JAKMIP3: variants seen among roughly 807,000 people sequenced by gnomAD.
The protein encoded by JAKMIP3 is janus kinase and microtubule-interacting protein 3.
JAKMIP3 carries 58 observed loss-of-function variants against 118.5 expected under a neutral mutation model. The ratio of observed to expected loss-of-function variants is 0.49; its 90% CI spans 0.40 to 0.61. The LOEUF is 0.61. Ranked by LOEUF, JAKMIP3 falls within the 20% of genes least tolerant of loss-of-function variation. The pLI, the probability that JAKMIP3 is intolerant of heterozygous loss-of-function variation, is 0.00. For synonymous variants in JAKMIP3, 486 were observed against 451.2 expected (o/e 1.08, Z -0.98); for missense variants, 950 against 1,109.0 (o/e 0.86, Z 2.04).
chr10:132,145,251 T>G, intron 12 of JAKMIP3, 61 bp downstream of exon 12: 1 of 1,355,462 alleles, frequency 7.4e-7, no homozygotes, highest in Non-Finnish European at 1.0e-6. Context: ...TATTTGGCTG[T>G]ACCTAAAGAC....
At chr10:132,114,180 CA>C (rs944043145) in intron 2 of JAKMIP3, among the ~76,000 whole-genome samples, 7 of 152,370 alleles carry the variant, frequency 4.6e-5, no homozygotes, top group African/African-American at 1.7e-4. Flanking sequence ...TGATGAGAAA[CA>C]AGGAATGGTT....
At chr10:132,153,071 TC>T in intron 17 of JAKMIP3, 48 bp downstream of exon 17, 1 of 1,448,394 alleles carries the variant, frequency 6.9e-7, no homozygotes, top group Non-Finnish European at 9.6e-7. Context: ...GCTCCTGGGG[TC>T]TCCTGCCCTG....
intron 1 of JAKMIP3, among the ~76,000 whole-genome samples, chr10:132,096,382 C>T (rs754939714): frequency 7.9e-5 from 12 of 152,168 alleles, no homozygotes; most frequent in African/African-American, 1.4e-4. Flanking sequence ...TGAAAACCAC[C>T]GGAGAGTGAC....
intron 23 of JAKMIP3, among the ~76,000 whole-genome samples, chr10:132,180,226 A>G (rs2060607113): frequency 6.6e-6 from 1 of 152,170 alleles, no homozygotes; most frequent in Non-Finnish European, 1.5e-5. Flanking sequence ...TAGCAGCCTC[A>G]GGCCTGTCCA....
intron 1 of JAKMIP3, among the ~76,000 whole-genome samples, chr10:132,090,759 T>C (rs562612809): frequency 6.6e-6 from 1 of 152,358 alleles, no homozygotes; most frequent in East Asian, 1.9e-4. Context: ...TTTGAATGTG[T>C]TTGCCCTTGC....
At chr10:132,148,114 C>T (rs937816718) in intron 14 of JAKMIP3, 64 bp downstream of exon 14, 8 of 997,090 alleles carry the variant, frequency 8.0e-6, no homozygotes, top group Non-Finnish European at 1.2e-5. Flanking sequence ...CCTCAGCCTT[C>T]CTAACCCACA....
intron 1 of JAKMIP3, among the ~76,000 whole-genome samples, chr10:132,047,557 T>A (rs1257833020): frequency 1.3e-5 from 2 of 152,154 alleles, no homozygotes; most frequent in Non-Finnish European, 1.5e-5. Context: ...TGGTACAACA[T>A]CATCACCCAA....
At chr10:132,061,932 C>T (rs2038409502), upstream of JAKMIP3, among the ~76,000 whole-genome samples, 1 of 152,164 alleles carries the variant, frequency 6.6e-6, no homozygotes, top group South Asian at 2.1e-4. Flanking sequence ...ACACTGGACT[C>T]CTATCCAGAT....
intron 20 of JAKMIP3, among the ~76,000 whole-genome samples, chr10:132,164,329 G>C (rs1032229723): frequency 6.6e-6 from 1 of 152,224 alleles, no homozygotes; most frequent in Non-Finnish European, 1.5e-5. Context: ...GCTCTCCTGC[G>C]ACCCTCTGGC....
intron 14 of JAKMIP3, among the ~76,000 whole-genome samples, chr10:132,149,146 G>T (rs929640109): frequency 1.3e-5 from 2 of 152,112 alleles, no homozygotes; most frequent in African/African-American, 4.8e-5. Context: ...GCTCAGGGTG[G>T]GACTGCCCAG....
chr10:132,144,697 G>A (rs1292316927), intron 11 of JAKMIP3: 1 of 167,168 alleles, frequency 6.0e-6, no homozygotes, highest in Non-Finnish European at 1.3e-5. Context: ...GGGAGGCTGA[G>A]GCAAGTGGGT....
chr10:132,171,088 C>T (rs1346533392), intron 23 of JAKMIP3, among the ~76,000 whole-genome samples: 1 of 152,220 alleles, frequency 6.6e-6, no homozygotes, highest in Non-Finnish European at 1.5e-5. Flanking sequence ...CATGTTCAGT[C>T]AAGTGAGGAG....
chr10:132,039,640 C>T (rs2037653622), intron 1 of JAKMIP3, among the ~76,000 whole-genome samples: 2 of 152,218 alleles, frequency 1.3e-5, no homozygotes, highest in Admixed American at 6.5e-5. Context: ...AGAGAGGCGA[C>T]CCCCACTCCC....
At chr10:132,092,275 G>A (rs944174699) in intron 1 of JAKMIP3, among the ~76,000 whole-genome samples, 1 of 152,188 alleles carries the variant, frequency 6.6e-6, no homozygotes, top group Admixed American at 6.5e-5. Flanking sequence ...GAGTATCTTT[G>A]TGGTGTTCTC....
intron 2 of JAKMIP3, among the ~76,000 whole-genome samples, chr10:132,115,421 T>C (rs1052925037): frequency 6.6e-6 from 1 of 152,218 alleles, no homozygotes; most frequent in Non-Finnish European, 1.5e-5. Flanking sequence ...CACAGCCGCT[T>C]GTCAGCCTGG....
Position 132,059,607 on chromosome 10 carries a change from T to C in JAKMIP3, c.-138+22869T>C, listed in dbSNP as rs188682593. Among the ~76,000 whole-genome samples, 870 of 152,332 alleles carry C rather than the reference T, an allele frequency of 5.7e-3. 15 individuals are homozygous for C. Among genetic ancestry groups the C allele is most frequent in the African/African-American group, 0.02 (822 of 41,572 alleles). Reference sequence around the variant, plus strand: ...GTGCCGAGGCCGACCCCTCAGGGCATGCAGCCTCCAGCAGTCTTCAGAGAG... The same window carrying C: ...GTGCCGAGGCCGACCCCTCAGGGCACGCAGCCTCCAGCAGTCTTCAGAGAG... On this transcript the variant is annotated intron_variant, in intron 1 of 23. Transcript: ENST00000657785.
upstream of JAKMIP3, among the ~76,000 whole-genome samples, chr10:132,065,077 G>A (rs945575785): frequency 6.6e-5 from 10 of 152,254 alleles, no homozygotes; most frequent in Admixed American, 6.5e-4. This position sits in a 1 kb window ranked among gnomAD's most constrained non-coding sequence, Gnocchi z 5.6. Flanking sequence ...CAGTCTCAGC[G>A]CAGGCCCTGG....
chr10:132,124,751 C>T (rs922450869), intron 3 of JAKMIP3, among the ~76,000 whole-genome samples: 10 of 152,252 alleles, frequency 6.6e-5, no homozygotes, highest in African/African-American at 1.9e-4. Context: ...TTCTCTTGTG[C>T]GTTCATGGGG....
At position 132,110,148 on chromosome 10, in the gene JAKMIP3, C is replaced by A. The variant is rs1389377283; in HGVS notation, c.135+5205C>A. 3.3e-5 allele frequency among the ~76,000 whole-genome samples: 5 copies of A among 152,324 alleles called. No individual in the cohort carries two copies. The East Asian group carries it at 9.7e-4, about 29-fold the overall frequency. ...CCAGCCAGAGGAGCCCTTCCCAGAA[C>A]AGACCGACCCTGCCCCACCGGCCTC... On this transcript the variant is annotated intron_variant, in intron 2 of 23. Transcript: ENST00000684848.
Sources: gnomAD v4.1 joint callset for allele counts (sites outside exome capture counted in the v4.1 genomes callset) on GRCh38, gnomAD v4.1.1 for gene constraint, Gnocchi (gnomAD v3.1) non-coding constraint, MANE v1.5 for transcripts, NCBI Gene and HGNC (gene_info 2026-07-23, HGNC 2026-07-21) for gene names.